The following FNDC3B variants were observed in gnomAD, a reference collection of about 807,000 sequenced individuals.
The protein encoded by FNDC3B is fibronectin type III domain-containing protein 3B.
Under a neutral mutation model 151.5 loss-of-function variants are expected in FNDC3B, and 12 were observed. The observed-to-expected ratio is 0.08, with a 90% CI of 0.05 to 0.13. The LOEUF (loss-of-function observed/expected upper bound fraction) is 0.13, where lower values mean the gene tolerates loss of function less well. Among genes scored for constraint, FNDC3B ranks in the 10% least tolerant of loss-of-function variants. FNDC3B has a pLI of 1.00. For synonymous variants in FNDC3B, 528 were observed against 549.0 expected, an observed-to-expected ratio of 0.96 and a Z score of 0.54; for missense variants, 1,214 against 1,505.3, an observed-to-expected ratio of 0.81 and a Z score of 3.20.
chr3:172,182,099 T>C (rs1000634430), intron 3 of FNDC3B, among the ~76,000 whole-genome samples: 9 of 152,142 alleles, frequency 5.9e-5, no homozygotes, highest in Non-Finnish European at 8.8e-5. Context: ...GACATCAGCA[T>C]TGAGTTGTTT....
chr3:172,312,874 G>A (rs554042739), intron 11 of FNDC3B, among the ~76,000 whole-genome samples: 2 of 152,286 alleles, frequency 1.3e-5, no homozygotes, highest in South Asian at 4.1e-4. Context: ...CGTAGCTGAT[G>A]ATGCTGAGAG....
At chr3:172,131,793 G>C (rs1721115256) in intron 2 of FNDC3B, among the ~76,000 whole-genome samples, 1 of 152,094 alleles carries the variant, frequency 6.6e-6, no homozygotes, top group Non-Finnish European at 1.5e-5. Flanking sequence ...ACAAATTATA[G>C]TGTATACAGT....
At position 172,352,654 on chromosome 3, in the gene FNDC3B, T is replaced by C. The variant is rs1044059146; in HGVS notation, c.2515-149T>C. Reference sequence around the variant, plus strand: ...GTTAGCATTCTTTGGAAGGTGGTCATCAGATAGTAGACATTTTCTAGGATT... The same window carrying C: ...GTTAGCATTCTTTGGAAGGTGGTCACCAGATAGTAGACATTTTCTAGGATT... On this transcript the variant is annotated intron_variant, in intron 21 of 25. Transcript: ENST00000415807. This position sits in a 1 kb window ranked among gnomAD's most constrained non-coding sequence, Gnocchi z 4.2. 1.2e-6 allele frequency: 1 copy of C among 826,824 alleles called. No individual in the cohort carries two copies. 51.2% of individuals were successfully genotyped at this position (826,824 alleles called of 1,614,324 possible). A position where few individuals can be genotyped will look rare whatever the true frequency, so the allele number is the denominator to read the frequency against.
At chr3:172,202,272 C>T (rs977451665) in intron 3 of FNDC3B, among the ~76,000 whole-genome samples, 5 of 152,288 alleles carry the variant, frequency 3.3e-5, no homozygotes, top group South Asian at 2.1e-4. Flanking sequence ...TGCAAAAAGG[C>T]GTCTTTCCTT....
chr3:172,264,852 C>G (rs757475944), intron 6 of FNDC3B, among the ~76,000 whole-genome samples: 1 of 152,192 alleles, frequency 6.6e-6, no homozygotes, highest in Admixed American at 6.5e-5. Flanking sequence ...GAAAAGGAAG[C>G]ATTTCAGATA....
intron 25 of FNDC3B, among the ~76,000 whole-genome samples, chr3:172,396,061 G>A (rs1576977047): frequency 6.6e-6 from 1 of 152,098 alleles, no homozygotes; most frequent in African/African-American, 2.4e-5. Flanking sequence ...AATAACTTAA[G>A]TTCTCAAAAT....
chr3:172,332,944 G>C (rs1732754832), intron 13 of FNDC3B, 145 bp from the exon 14 acceptor site: 2 of 716,904 alleles, frequency 2.8e-6, no homozygotes, highest in Non-Finnish European at 5.0e-6. Context: ...CTGGGCTTCT[G>C]ATTTTTCTCT....
chr3:172,167,358 T>C (rs1723058054), intron 3 of FNDC3B, among the ~76,000 whole-genome samples: 3 of 152,184 alleles, frequency 2.0e-5, no homozygotes, highest in Admixed American at 6.5e-5. Context: ...ACGGCACCAC[T>C]GCGCTCCAGC....
rs148917139 is a variant in FNDC3B at position 172,103,274 on chromosome 3, T to A, written c.-28-9178T>A. 5.2e-3 allele frequency among the ~76,000 whole-genome samples: 797 copies of A among 152,266 alleles called. 4 individuals are homozygous for A. The highest frequency in any genetic ancestry group is 0.019 in the African/African-American group (771 of 41,540). Reference sequence around the variant, plus strand: ...AGGTCAAGAGATTGTGTATATATAGTGATGTAATTTTTTTCCATTTAGTTT... The same window carrying A: ...AGGTCAAGAGATTGTGTATATATAGAGATGTAATTTTTTTCCATTTAGTTT... On this transcript the variant is annotated intron_variant, in intron 1 of 25. Coordinates refer to ENST00000415807, the MANE Select transcript of FNDC3B (RefSeq NM_022763.4).
In FNDC3B at chr3:172,226,744, C is replaced by A. The variant is rs1331490013; in HGVS notation, c.188-127C>A. On this transcript the variant is annotated intron_variant, in intron 3 of 25. Transcript: ENST00000415807. ...AGGTTTAGCTTTAAGGCAATATATA[C>A]CAACTTTTGAAGAGCAAATTGTCAA... 2.0e-5 allele frequency: 12 copies of A among 606,348 alleles called. 1 individual carries two copies. In the South Asian group the frequency reaches 2.1e-4, roughly 11 times the overall value. The allele number at this position is 606,348 out of a possible 1,614,324, so 37.6% of individuals were successfully genotyped here. A position where few individuals can be genotyped will look rare whatever the true frequency, so the allele number is the denominator to read the frequency against.
chr3:172,267,761 A>G (rs1261514613), intron 6 of FNDC3B, among the ~76,000 whole-genome samples: 1 of 152,238 alleles, frequency 6.6e-6, no homozygotes, highest in African/African-American at 2.4e-5. Flanking sequence ...AGATTTACAA[A>G]GTTTAAAAGT....
rs2108402018 is a variant in FNDC3B, at chr3:172,397,359, C to T, written c.3499C>T (p.Pro1167Ser). ...LTGDMGSLDD[P>S]KMKSMMPTDE... ...AGGGGACATGGGGAGCTTAGATGAT[C>T]CCAAAATGAAGAGCATGATGCCTAC... is the stretch of plus-strand genomic sequence containing the variant. Residue 1167 changes from proline (P) to serine (S), a missense_variant, in exon 26 of 26, where the codon CCC becomes TCC. Pro to Ser is a moderately conservative substitution (Grantham distance 74, BLOSUM62 -1). Coordinates refer to ENST00000415807, the MANE Select transcript of FNDC3B (RefSeq NM_022763.4). The T allele has an allele frequency of 6.2e-7, 1 of 1,614,134 alleles. No individual in the cohort carries two copies. Among genetic ancestry groups the T allele is most frequent in the Non-Finnish European group, 8.5e-7 (1 of 1,179,972 alleles).
At chr3:172,056,228 A>T (rs1428930940) in intron 1 of FNDC3B, among the ~76,000 whole-genome samples, 2 of 151,918 alleles carry the variant, frequency 1.3e-5, no homozygotes, top group East Asian at 1.9e-4. Flanking sequence ...TTTTTAAAAA[A>T]TGTATTTTTA....
intron 25 of FNDC3B, among the ~76,000 whole-genome samples, chr3:172,383,238 A>G (rs1735548567): frequency 6.6e-6 from 1 of 152,116 alleles, no homozygotes. Context: ...GCAATTGTGA[A>G]TGGGAGTTTG....
At chr3:172,394,884 C>T (rs1338262811) in intron 25 of FNDC3B, among the ~76,000 whole-genome samples, 2 of 152,130 alleles carry the variant, frequency 1.3e-5, no homozygotes, top group Admixed American at 6.5e-5. Flanking sequence ...ATTAAAGGAT[C>T]ATCCACCATG....
chr3:172,108,241 A>G (rs916224480), intron 1 of FNDC3B, among the ~76,000 whole-genome samples: 1 of 152,302 alleles, frequency 6.6e-6, no homozygotes, highest in Middle Eastern at 3.4e-3. Flanking sequence ...TGTTTCAGTA[A>G]CATCCTCATC....
intron 1 of FNDC3B, among the ~76,000 whole-genome samples, chr3:172,087,293 G>C (rs1654386382): frequency 6.6e-6 from 1 of 152,046 alleles, no homozygotes; most frequent in Non-Finnish European, 1.5e-5. Flanking sequence ...GTCTTTTAGA[G>C]ACTTGCTGTT....
At chr3:172,231,744 A>G (rs1374973364) in intron 4 of FNDC3B, among the ~76,000 whole-genome samples, 1 of 148,278 alleles carries the variant, frequency 6.7e-6, no homozygotes, top group East Asian at 2.0e-4. Context: ...ACAATCTCAC[A>G]GTCCGTGGCA....
At chr3:172,150,257 A>G (rs1337348920) in intron 3 of FNDC3B, among the ~76,000 whole-genome samples, 1 of 152,222 alleles carries the variant, frequency 6.6e-6, no homozygotes, top group African/African-American at 2.4e-5. Flanking sequence ...TTTTAAAGAT[A>G]GTATTGTCAT....
Sources: allele counts gnomAD v4.1 joint callset (sites outside exome capture counted in the v4.1 genomes callset), GRCh38; gene constraint gnomAD v4.1.1; non-coding constraint Gnocchi (gnomAD v3.1); transcripts MANE v1.5; gene names NCBI Gene and HGNC (gene_info 2026-07-23, HGNC 2026-07-21).